ATOSA: variants seen among roughly 807,000 people sequenced by gnomAD.
ATOSA encodes the protein atos homolog A, also known as atos homolog protein A.
the ATOSA span, among the ~76,000 whole-genome samples, chr15:52,676,746 C>T: frequency 6.6e-6 from 1 of 152,296 alleles, no homozygotes; most frequent in South Asian, 2.1e-4. Flanking sequence ...GCTGCAAATA[C>T]TATTTTTAAA....
At chr15:52,636,759 T>C in the ATOSA span, among the ~76,000 whole-genome samples, 2 of 152,230 alleles carry the variant, frequency 1.3e-5, no homozygotes, top group Non-Finnish European at 2.9e-5. Flanking sequence ...TGCTATTCTT[T>C]CCTGAAACTC....
the ATOSA span, among the ~76,000 whole-genome samples, chr15:52,673,220 T>G: frequency 6.6e-6 from 1 of 152,242 alleles, no homozygotes; most frequent in Non-Finnish European, 1.5e-5. Context: ...CTTTCCCTAT[T>G]GTAAAGATAA....
At chr15:52,694,170 T>TA in the ATOSA span, among the ~76,000 whole-genome samples, 121 of 96,678 alleles carry the variant, frequency 1.3e-3, no homozygotes, top group East Asian at 7.9e-3. Flanking sequence ...ATATATATAT[T>TA]TTTTTTTTTT....
the ATOSA span, chr15:52,587,340 C>T: frequency 5.2e-5 from 42 of 803,830 alleles, no homozygotes; most frequent in Non-Finnish European, 7.7e-6. Flanking sequence ...GAAAAACATT[C>T]ATATTGAATT....
chr15:52,639,732 T>A, the ATOSA span, among the ~76,000 whole-genome samples: 1 of 152,204 alleles, frequency 6.6e-6, no homozygotes, highest in Non-Finnish European at 1.5e-5. Context: ...AGGCTCTCAC[T>A]ATATGCCAGA....
the ATOSA span, among the ~76,000 whole-genome samples, chr15:52,685,416 GTTTT>G: frequency 6.8e-6 from 1 of 147,864 alleles, no homozygotes; most frequent in African/African-American, 2.5e-5. Context: ...ATTCAGTAGA[GTTTT>G]TTTTTTTTGT....
the ATOSA span, among the ~76,000 whole-genome samples, chr15:52,663,877 C>T: frequency 2.0e-5 from 3 of 151,992 alleles, no homozygotes; most frequent in African/African-American, 7.3e-5. Context: ...CTTCCCACCT[C>T]GGTAATCAAA....
the ATOSA span, chr15:52,609,983 C>T: frequency 1.9e-6 from 3 of 1,613,480 alleles, no homozygotes; most frequent in Non-Finnish European, 8.5e-7. Flanking sequence ...TGAGATGTCC[C>T]ATGGTCAGAT....
At chr15:52,626,260 G>A in the ATOSA span, among the ~76,000 whole-genome samples, 7 of 152,218 alleles carry the variant, frequency 4.6e-5, no homozygotes, top group Middle Eastern at 3.4e-3. Context: ...TGTTCCACAT[G>A]TCTCTCCTTT....
At chr15:52,695,042 G>A in the ATOSA span, among the ~76,000 whole-genome samples, 29,400 of 151,128 alleles carry the variant, frequency 0.19, 3,224 homozygotes, top group Non-Finnish European at 0.24. Context: ...ATCATGCCTC[G>A]GCCTCCCAAG....
chr15:52,621,734 T>A, the ATOSA span, among the ~76,000 whole-genome samples: 1 of 152,236 alleles, frequency 6.6e-6, no homozygotes, highest in South Asian at 2.1e-4. Context: ...GCCATGATTG[T>A]GAGGCCTCTC....
chr15:52,658,383 G>A, the ATOSA span: 3 of 180,228 alleles, frequency 1.7e-5, no homozygotes, highest in African/African-American at 7.1e-5. Flanking sequence ...AAATGCTAGA[G>A]TCAACCTTTC....
At chr15:52,660,303 A>C in the ATOSA span, among the ~76,000 whole-genome samples, 16 of 152,244 alleles carry the variant, frequency 1.1e-4, no homozygotes, top group Non-Finnish European at 2.1e-4. Flanking sequence ...GAGACAGTAT[A>C]ATATGAAGAA....
chr15:52,656,874 A>G, the ATOSA span: 1 of 152,074 alleles, frequency 6.6e-6, no homozygotes, highest in Admixed American at 6.5e-5. Flanking sequence ...GTTTTTCTTT[A>G]TCCATACTTC....
the ATOSA span, among the ~76,000 whole-genome samples, chr15:52,619,246 T>G: frequency 6.6e-6 from 1 of 152,182 alleles, no homozygotes; most frequent in African/African-American, 2.4e-5. Context: ...AGATTGTACT[T>G]GAAAATTGGC....
chr15:52,673,691 T>C, the ATOSA span, among the ~76,000 whole-genome samples: 1 of 152,232 alleles, frequency 6.6e-6, no homozygotes, highest in Non-Finnish European at 1.5e-5. Context: ...CTCCAACATC[T>C]GCCATTTCTT....
the ATOSA span, among the ~76,000 whole-genome samples, chr15:52,593,151 A>C: frequency 3.3e-5 from 5 of 152,080 alleles, no homozygotes; most frequent in African/African-American, 9.7e-5. Context: ...GTCAAAAAAA[A>C]AAAAGAACCC....
chr15:52,664,733 A>G, the ATOSA span, among the ~76,000 whole-genome samples: 6 of 152,194 alleles, frequency 3.9e-5, no homozygotes, highest in African/African-American at 1.2e-4. Flanking sequence ...GCTCAAGGAC[A>G]GGAGTTCCAG....
At chr15:52,622,541 A>G in the ATOSA span, among the ~76,000 whole-genome samples, 1 of 152,232 alleles carries the variant, frequency 6.6e-6, no homozygotes, top group African/African-American at 2.4e-5. Flanking sequence ...CAGAAAAACA[A>G]AAACAAATTA....
Sources: allele counts gnomAD v4.1 joint callset (sites outside exome capture counted in the v4.1 genomes callset), GRCh38; gene constraint gnomAD v4.1.1; transcripts MANE v1.5; gene names NCBI Gene and HGNC (gene_info 2026-07-23, HGNC 2026-07-21).